ADGRL3: variants seen among roughly 807,000 people sequenced by gnomAD.
ADGRL3 encodes adhesion G protein-coupled receptor L3, also known as calcium-independent alpha-latrotoxin receptor 3.
In ADGRL3, 62 loss-of-function variants were observed where a neutral mutation model predicts 153.5. That is an observed-to-expected ratio of 0.40 (90% CI 0.33 to 0.50). The LOEUF (loss-of-function observed/expected upper bound fraction) is 0.50. Among genes scored for constraint, ADGRL3 ranks in the 20% least tolerant of loss-of-function variants. The pLI, the probability that ADGRL3 is intolerant of heterozygous loss-of-function variation, is 0.47. For missense variants in ADGRL3, 1,641 were observed against 1,859.4 expected, an observed-to-expected ratio of 0.88 and a Z score of 2.16; for synonymous variants, 710 against 672.5, an observed-to-expected ratio of 1.06 and a Z score of -0.86.
chr4:61,566,325 T>A lies in ADGRL3; in HGVS notation c.260-20902T>A, dbSNP rs1218364756. 3.3e-5 allele frequency among the ~76,000 whole-genome samples: 5 copies of A among 152,162 alleles called. No individual in the cohort carries two copies. The East Asian group carries it at 9.7e-4, about 29-fold the overall frequency. On this transcript the variant is annotated intron_variant, in intron 4 of 26. Transcript: ENST00000683033. ...TATAAAGACATGAGTTCTGTTGGAT[T>A]AGGGCCCACCCTAATGATCTCACTT...
At chr4:61,769,709 C>T (rs2097058688) in intron 8 of ADGRL3, among the ~76,000 whole-genome samples, 1 of 149,922 alleles carries the variant, frequency 6.7e-6, no homozygotes, top group South Asian at 2.1e-4. Context: ...AAATTACAGT[C>T]CAAGGGGGTT....
intron 9 of ADGRL3, among the ~76,000 whole-genome samples, chr4:61,864,451 C>G (rs915323703): frequency 6.6e-6 from 1 of 152,164 alleles, no homozygotes; most frequent in African/African-American, 2.4e-5. Flanking sequence ...CTTGGCTCTT[C>G]CCTGTCTTGC....
intron 2 of ADGRL3, among the ~76,000 whole-genome samples, chr4:61,485,907 T>C (rs939360899): frequency 1.4e-5 from 1 of 70,390 alleles, no homozygotes; most frequent in Non-Finnish European, 3.0e-5. Flanking sequence ...GTCTCAGCTA[T>C]GGAATGCTTT....
rs141405963 is a variant in ADGRL3, at chr4:61,679,533, C to G, written c.583+2598C>G. The stretch of plus-strand genomic sequence containing the variant: ...TTTCTTAAGCATAAAATTAATGACT[C>G]TTTAATGATGAAAAGATTTACTTAT... On this transcript the variant is annotated intron_variant, in intron 6 of 26. Coordinates refer to ENST00000683033, the MANE Select transcript of ADGRL3 (RefSeq NM_001387552.1). Among the ~76,000 whole-genome samples the G allele has an allele frequency of 3.5e-3, 540 of 152,176 alleles. 8 individuals are homozygous for G. Among genetic ancestry groups the G allele is most frequent in the African/African-American group, 0.012 (518 of 41,562 alleles).
intron 3 of ADGRL3, among the ~76,000 whole-genome samples, chr4:61,507,042 C>G (rs1383979177): frequency 2.6e-5 from 4 of 152,296 alleles, no homozygotes; most frequent in Admixed American, 2.0e-4. Flanking sequence ...TAAACATAAA[C>G]ATTACCTGAA....
chr4:61,316,967 T>A (rs1213754906), intron 1 of ADGRL3, among the ~76,000 whole-genome samples: 2 of 152,204 alleles, frequency 1.3e-5, no homozygotes, highest in Non-Finnish European at 2.9e-5. Flanking sequence ...AATACAGAAA[T>A]TGAACATAGA....
At chr4:62,025,895 A>T (rs573133519) in intron 21 of ADGRL3, among the ~76,000 whole-genome samples, 1 of 152,152 alleles carries the variant, frequency 6.6e-6, no homozygotes, top group Non-Finnish European at 1.5e-5. Context: ...TTATTCAGCT[A>T]TAGAAACTAG....
At chr4:61,777,596 C>T (rs2097167951) in intron 8 of ADGRL3, among the ~76,000 whole-genome samples, 1 of 152,000 alleles carries the variant, frequency 6.6e-6, no homozygotes, top group Non-Finnish European at 1.5e-5. Context: ...ACTTAGAATT[C>T]CATGAAGGAA....
rs567135987 is a variant in ADGRL3, at chr4:61,369,201, C to G, written c.-239-13923C>G. 6.6e-5 allele frequency among the ~76,000 whole-genome samples: 10 copies of G among 152,290 alleles called. 1 individual carries two copies. In the South Asian group the frequency reaches 2.1e-3, roughly 32 times the overall value. ...CAGGGACAATTTGACTTCCTCTTCT[C>G]CTAATTGAATACCCTTTATTTCTTT... On this transcript the variant is annotated intron_variant, in intron 1 of 26. Coordinates refer to ENST00000683033, the MANE Select transcript of ADGRL3 (RefSeq NM_001387552.1).
chr4:61,830,015 A>AT lies in ADGRL3; in HGVS notation c.1480+16139dup, dbSNP rs1254706674. 2.2e-3 allele frequency among the ~76,000 whole-genome samples: 327 copies of AT among 149,228 alleles called. 4 individuals are homozygous for AT. Among genetic ancestry groups the AT allele is most frequent in the African/African-American group, 6.8e-3 (279 of 40,850 alleles). On this transcript the variant is annotated intron_variant, in intron 9 of 26. Coordinates refer to ENST00000683033, the MANE Select transcript of ADGRL3 (RefSeq NM_001387552.1). ...GTCTCCCATCTCTACAAAAAAAAAA[A>AT]TTTTTTTTTTTTTGAGACAGATTCT...
chr4:61,487,314 A>G (rs944562142), intron 2 of ADGRL3, among the ~76,000 whole-genome samples: 5 of 152,302 alleles, frequency 3.3e-5, no homozygotes, highest in East Asian at 1.9e-4. Flanking sequence ...TCATTTGCCA[A>G]TTAGGAATAA....
At chr4:61,687,750 G>T (rs2095472451) in intron 6 of ADGRL3, among the ~76,000 whole-genome samples, 1 of 151,954 alleles carries the variant, frequency 6.6e-6, no homozygotes, top group Non-Finnish European at 1.5e-5. Flanking sequence ...GAATATACAT[G>T]TTAGATTAAT....
chr4:61,856,757 A>G (rs1043891618), intron 9 of ADGRL3, among the ~76,000 whole-genome samples: 4 of 151,048 alleles, frequency 2.6e-5, no homozygotes, highest in Non-Finnish European at 5.9e-5. Context: ...GGCATGTGCC[A>G]CTACATATGG....
intron 21 of ADGRL3, among the ~76,000 whole-genome samples, chr4:62,009,643 C>T (rs556583188): frequency 3.3e-5 from 5 of 152,072 alleles, no homozygotes; most frequent in African/African-American, 1.2e-4. Flanking sequence ...TTTCTGACAC[C>T]ACTTCTGAAC....
intron 17 of ADGRL3, among the ~76,000 whole-genome samples, chr4:61,961,183 A>G (rs2098986481): frequency 6.6e-6 from 1 of 152,052 alleles, no homozygotes; most frequent in Non-Finnish European, 1.5e-5. Flanking sequence ...AGTTGGTTAA[A>G]TTTTTGCCCA....
intron 6 of ADGRL3, among the ~76,000 whole-genome samples, chr4:61,712,504 C>T (rs960128196): frequency 5.3e-5 from 8 of 152,068 alleles, no homozygotes; most frequent in African/African-American, 1.4e-4. Flanking sequence ...GTTCATTTAG[C>T]CTCAGATCCC....
chr4:61,276,889 C>T (rs1206886474), intron 1 of ADGRL3, among the ~76,000 whole-genome samples: 1 of 151,704 alleles, frequency 6.6e-6, no homozygotes, highest in Admixed American at 6.6e-5. Context: ...ATCATAATAC[C>T]CAATATTAAA....
At chr4:61,308,199 A>G (rs2094871138) in intron 1 of ADGRL3, among the ~76,000 whole-genome samples, 1 of 152,168 alleles carries the variant, frequency 6.6e-6, no homozygotes, top group Non-Finnish European at 1.5e-5. Flanking sequence ...GTTCCACCCA[A>G]AATGAGTATG....
intron 18 of ADGRL3, among the ~76,000 whole-genome samples, chr4:61,982,759 T>C (rs2099072797): frequency 6.6e-6 from 1 of 152,176 alleles, no homozygotes; most frequent in African/African-American, 2.4e-5. Context: ...TTTGGGAACA[T>C]TTAATTTTAA....
Sources: allele counts gnomAD v4.1 joint callset (sites outside exome capture counted in the v4.1 genomes callset), GRCh38; gene constraint gnomAD v4.1.1; transcripts MANE v1.5; gene names NCBI Gene and HGNC (gene_info 2026-07-23, HGNC 2026-07-21).